The following GUCY1A2 variants were observed in gnomAD, a reference collection of about 807,000 sequenced individuals.
GUCY1A2 encodes the protein guanylate cyclase 1 soluble subunit alpha 2.
A neutral mutation model predicts 63.5 loss-of-function variants in GUCY1A2; 27 were observed. That is an observed-to-expected ratio of 0.43 (90% CI 0.31 to 0.59). GUCY1A2 has a LOEUF of 0.59. Ranked by LOEUF, GUCY1A2 falls within the 20% of genes least tolerant of loss-of-function variation. The probability of loss-of-function intolerance (pLI) is 0.11; values close to 1 mark genes in which losing one functional copy is unlikely to be tolerated. For missense variants in GUCY1A2, 768 were observed against 913.3 expected (o/e 0.84, Z 2.05); for synonymous variants, 364 against 343.5 (o/e 1.06, Z -0.66).
At chr11:106,841,859 C>G (rs756383832) in intron 4 of GUCY1A2, among the ~76,000 whole-genome samples, 1 of 151,830 alleles carries the variant, frequency 6.6e-6, no homozygotes, top group African/African-American at 2.4e-5. Context: ...TAGAATTTTA[C>G]TTTACTACCT....
chr11:106,722,023 G>A lies in GUCY1A2; in HGVS notation c.1837-13357C>T, dbSNP rs533622510. On this transcript the variant is annotated intron_variant, in intron 6 of 7. Transcript: ENST00000526355. ...CACCCACTAGTGGATTTTGTATTGA[G>A]TAGGCAATCTTTAAATGTTTGTTGA... is the stretch of plus-strand genomic sequence containing the variant. Among the ~76,000 whole-genome samples the A allele has an allele frequency of 2.9e-4, 44 of 152,280 alleles. No individual in the cohort carries two copies. In the South Asian group the frequency reaches 8.9e-3, roughly 31 times the overall value.
Position 106,741,240 on chromosome 11 carries a change from A to T in GUCY1A2, c.1837-32574T>A, listed in dbSNP as rs148545102. 2.6e-3 allele frequency among the ~76,000 whole-genome samples: 399 copies of T among 152,352 alleles called. 3 individuals are homozygous for T. The highest frequency in any genetic ancestry group is 7.3e-3 in the African/African-American group (304 of 41,582). On this transcript the variant is annotated intron_variant, in intron 6 of 7. Transcript: ENST00000526355. ...TTAAAAATCATTAATGACTTTTTAA[A>T]TATTCTTATTTTGGAGAAAGTCTTC...
At chr11:106,909,340 C>T (rs933723346) in intron 4 of GUCY1A2, among the ~76,000 whole-genome samples, 2 of 84,256 alleles carry the variant, frequency 2.4e-5, no homozygotes, top group Non-Finnish European at 5.3e-5. Context: ...ATCTGATTTT[C>T]CTGGTGGTAC....
chr11:106,802,198 C>T (rs560587222), intron 5 of GUCY1A2, among the ~76,000 whole-genome samples: 16 of 152,234 alleles, frequency 1.1e-4, no homozygotes, highest in African/African-American at 2.4e-4. Flanking sequence ...TGAGAGATAG[C>T]GGTCCTGCCT....
chr11:106,716,796 AT>A (rs1460793836), intron 6 of GUCY1A2, among the ~76,000 whole-genome samples: 43 of 117,152 alleles, frequency 3.7e-4, no homozygotes, highest in Admixed American at 4.9e-4. Context: ...AAAAAAAAAG[AT>A]AAGAGTAAAT....
intron 5 of GUCY1A2, 95 bp from the exon 6 acceptor site, chr11:106,776,677 T>C (rs887078921): frequency 3.3e-5 from 40 of 1,205,882 alleles, no homozygotes; most frequent in African/African-American, 6.0e-5. Flanking sequence ...CTGAAAAACA[T>C]GTCGGCAAAA....
intron 6 of GUCY1A2, among the ~76,000 whole-genome samples, chr11:106,764,275 A>C (rs1455701576): frequency 6.6e-6 from 1 of 152,068 alleles, no homozygotes. Flanking sequence ...AATAGCAATA[A>C]TTTTTTAAGG....
chr11:106,961,729 C>T (rs531437357), intron 3 of GUCY1A2, among the ~76,000 whole-genome samples: 5 of 152,284 alleles, frequency 3.3e-5, no homozygotes, highest in Admixed American at 3.3e-4. Context: ...TATATTATTG[C>T]TATTTCCTTT....
rs538128547 is a variant in GUCY1A2 at position 106,891,493 on chromosome 11, T to C, written c.1206+47967A>G. The stretch of plus-strand genomic sequence containing the variant: ...CTGTTATTGTTTGTGCCTACTATAT[T>C]CTGTTAAAAATGTCTTGCTTTTTTC... On this transcript the variant is annotated intron_variant, in intron 4 of 7. Transcript: ENST00000526355. Among the ~76,000 whole-genome samples, 4 of 152,266 alleles carry C rather than the reference T, an allele frequency of 2.6e-5. No individual in the cohort carries two copies. The East Asian group carries it at 7.7e-4, about 29-fold the overall frequency.
intron 6 of GUCY1A2, among the ~76,000 whole-genome samples, chr11:106,774,877 G>C (rs1344375976): frequency 6.6e-6 from 1 of 152,114 alleles, no homozygotes; most frequent in Non-Finnish European, 1.5e-5. Flanking sequence ...CGTGTTGATT[G>C]CTTAGAAGTT....
chr11:106,684,691 A>G lies in GUCY1A2; in HGVS notation c.*2858T>C. 1 of 203,488 alleles carries G rather than the reference A, an allele frequency of 4.9e-6. No individual in the cohort carries two copies. Among genetic ancestry groups the G allele is most frequent in the Non-Finnish European group, 1.0e-5 (1 of 99,114 alleles). The allele number at this position is 203,488 out of a possible 1,614,324, so 12.6% of individuals were successfully genotyped here. On this transcript the variant is annotated 3_prime_UTR_variant, in exon 8 of 8. Coordinates refer to ENST00000526355, the MANE Select transcript of GUCY1A2 (RefSeq NM_000855.3). ...AAAATGCAAGAGCTATAGGTGCCAAATTATATTTTAAAGTATCCCTTGCAG... is the reference window on the plus strand; with the variant it reads ...AAAATGCAAGAGCTATAGGTGCCAAGTTATATTTTAAAGTATCCCTTGCAG...
chr11:106,833,308 G>C (rs951134700), intron 4 of GUCY1A2, among the ~76,000 whole-genome samples: 2 of 152,030 alleles, frequency 1.3e-5, no homozygotes, highest in Admixed American at 1.3e-4. Context: ...GGACTTCAAA[G>C]TATCTTAGGA....
intron 4 of GUCY1A2, chr11:106,827,044 C>G (rs531104868): frequency 1.6e-5 from 26 of 1,585,336 alleles, no homozygotes; most frequent in Admixed American, 1.7e-5. Context: ...CGTATGGTCT[C>G]TTGGAAAAGT....
intron 4 of GUCY1A2, among the ~76,000 whole-genome samples, chr11:106,873,328 C>G (rs1859706215): frequency 6.6e-6 from 1 of 152,096 alleles, no homozygotes; most frequent in African/African-American, 2.4e-5. Flanking sequence ...GGTTCTAGAT[C>G]CTTGAGGAAT....
At chr11:106,735,873 G>A (rs1370996967) in intron 6 of GUCY1A2, among the ~76,000 whole-genome samples, 1 of 152,112 alleles carries the variant, frequency 6.6e-6, no homozygotes, top group African/African-American at 2.4e-5. Context: ...GCATTTCTCT[G>A]ATGATTAAGG....
At chr11:106,781,384 C>T (rs1379480587) in intron 5 of GUCY1A2, among the ~76,000 whole-genome samples, 1 of 152,142 alleles carries the variant, frequency 6.6e-6, no homozygotes, top group Non-Finnish European at 1.5e-5. Context: ...GAAGAGGAGG[C>T]TTAAGTACTA....
intron 1 of GUCY1A2, among the ~76,000 whole-genome samples, chr11:107,015,523 T>C (rs968806112): frequency 6.6e-5 from 8 of 120,468 alleles, no homozygotes; most frequent in African/African-American, 2.2e-4. Flanking sequence ...ATCAGAGGCA[T>C]TGACATTACT....
intron 6 of GUCY1A2, among the ~76,000 whole-genome samples, chr11:106,742,179 T>G (rs76354221): frequency 6.6e-6 from 1 of 152,244 alleles, no homozygotes; most frequent in East Asian, 1.9e-4. Context: ...TTCAAATGGA[T>G]GAATTTTCTT....
intron 6 of GUCY1A2, among the ~76,000 whole-genome samples, chr11:106,710,703 C>G (rs554994146): frequency 6.6e-6 from 1 of 151,794 alleles, no homozygotes; most frequent in African/African-American, 2.4e-5. Flanking sequence ...TAATTAAACA[C>G]GATAACAGTA....
Sources: gnomAD v4.1 joint callset for allele counts (sites outside exome capture counted in the v4.1 genomes callset) on GRCh38, gnomAD v4.1.1 for gene constraint, MANE v1.5 for transcripts, NCBI Gene and HGNC (gene_info 2026-07-23, HGNC 2026-07-21) for gene names.